The following SAPCD2 variants were observed in gnomAD, a reference collection of about 807,000 sequenced individuals.
SAPCD2 encodes suppressor APC domain-containing protein 2.
Under a neutral mutation model 37.8 loss-of-function variants are expected in SAPCD2, and 34 were observed. That is an observed-to-expected ratio of 0.90 (90% CI 0.68 to 1.20). The LOEUF (loss-of-function observed/expected upper bound fraction) is 1.20. Among genes scored for constraint, SAPCD2 ranks in the 50% most tolerant of loss-of-function variants. The pLI is 0.00. For synonymous variants in SAPCD2, 275 were observed against 270.3 expected (o/e 1.02, Z -0.17); for missense variants, 572 against 584.7 (o/e 0.98, Z 0.22).
In SAPCD2 at chr9:137,070,131, G is replaced by A; in HGVS notation, c.330C>T (p.Ala110=). Residue 110 remains alanine, a synonymous_variant, in exon 1 of 6, where the codon GCC becomes GCT. Coordinates refer to ENST00000409687, the MANE Select transcript of SAPCD2 (RefSeq NM_178448.4). The stretch of plus-strand genomic sequence containing the variant: ...GCGGCGGCGGCTGATCCCCGGGCCG[G>A]GCCGGGGCGCGCGTGGGGTCCCGGG... The part of the protein sequence containing the change: ...GGPRDPTRAP[A]RPGDQPPPPP... 1 of 1,197,392 alleles carries A rather than the reference G, an allele frequency of 8.4e-7. No individual in the cohort carries two copies. The highest frequency in any genetic ancestry group is 1.0e-6 in the Non-Finnish European group (1 of 967,178). The allele number at this position is 1,197,392 out of a possible 1,614,324, so 74.2% of individuals were successfully genotyped here.
chr9:137,070,134 C>T lies in SAPCD2; in HGVS notation c.327G>A (p.Pro109=), dbSNP rs1254911351. The change falls in exon 1 of 6, where the codon CCG becomes CCA. Residue 109 remains proline, a synonymous_variant. Coordinates refer to ENST00000409687, the MANE Select transcript of SAPCD2 (RefSeq NM_178448.4). ...DGGPRDPTRA[P]ARPGDQPPPP... is the part of the protein sequence containing the mutation. ...GCGGCGGCTGATCCCCGGGCCGGGC[C>T]GGGGCGCGCGTGGGGTCCCGGGGGC... 5 of 1,197,726 alleles carry T rather than the reference C, an allele frequency of 4.2e-6. No homozygotes were observed. Among genetic ancestry groups the T allele is most frequent in the Non-Finnish European group, 5.2e-6 (5 of 967,596 alleles). 74.2% of individuals were successfully genotyped at this position (1,197,726 alleles called of 1,614,324 possible).
chr9:137,067,565 G>A (rs1832564684), intron 1 of SAPCD2, among the ~76,000 whole-genome samples: 1 of 150,864 alleles, frequency 6.6e-6, no homozygotes, highest in African/African-American at 2.4e-5. Flanking sequence ...GTTGAGGTCA[G>A]GAGTTCAAGA....
chr9:137,064,762 A>G lies in SAPCD2; in HGVS notation c.1082T>C (p.Ile361Thr). 1 of 1,594,636 alleles carries G rather than the reference A, an allele frequency of 6.3e-7. No individual in the cohort carries two copies. The highest frequency in any genetic ancestry group is 8.5e-7 in the Non-Finnish European group (1 of 1,171,346). Residue 361 changes from isoleucine to threonine, a missense_variant, in exon 6 of 6, where the codon ATC becomes ACC. Physicochemically the swap from Ile to Thr is moderately conservative, Grantham distance 89. Coordinates refer to ENST00000409687, the MANE Select transcript of SAPCD2 (RefSeq NM_178448.4). Reference protein sequence around the residue: ...TQEVTEKSERITQLEQEKSAL... With the variant: ...TQEVTEKSERTTQLEQEKSAL... ...CGACTTCTCCTGCTCCAGCTGCGTG[A>G]TGCGCTCACTCTTCTCGGTCACCTC...
At chr9:137,067,360 ACT>A (rs1450524281) in intron 1 of SAPCD2, among the ~76,000 whole-genome samples, 3 of 151,794 alleles carry the variant, frequency 2.0e-5, no homozygotes, top group African/African-American at 7.2e-5. Context: ...GGTCCCGGCT[ACT>A]CAGGAGCCTG....
Position 137,064,788 on chromosome 9 carries a change from C to T in SAPCD2, c.1057-1G>A. 6.3e-7 allele frequency: 1 copy of T among 1,593,800 alleles called. No homozygotes were observed. The highest frequency in any genetic ancestry group is 1.1e-5 in the South Asian group (1 of 88,246). ...TGCGCTCACTCTTCTCGGTCACCTC[C>T]TGGGCAGGTGCACAGTTGGTCAAGG... On this transcript the variant is annotated splice_acceptor_variant, in intron 5 of 5. Transcript: ENST00000409687. LOFTEE classifies it high-confidence loss of function.
chr9:137,066,349 C>T lies in SAPCD2; in HGVS notation c.597G>A (p.Glu199=), dbSNP rs1832546344. The change falls in exon 2 of 6, where the codon GAG becomes GAA. Residue 199 remains glutamate (E), a synonymous_variant. Transcript: ENST00000409687. ...DAGAVACRAL[E]ADSGDARRAP... is the part of the protein sequence containing the mutation. ...CCCGCCGGGCATCCCCTGAGTCCGCCTCCAGGGCCCTGCACGCCACTGCAC... is the reference window on the plus strand; with the variant it reads ...CCCGCCGGGCATCCCCTGAGTCCGCTTCCAGGGCCCTGCACGCCACTGCAC... The T allele has an allele frequency of 1.2e-6, 2 of 1,608,068 alleles. No homozygotes were observed. Among genetic ancestry groups the T allele is most frequent in the Non-Finnish European group, 1.7e-6 (2 of 1,178,058 alleles).
rs555540170 is a variant in SAPCD2, at chr9:137,062,627, A to T, written c.*2032T>A. 5.9e-5 allele frequency: 9 copies of T among 152,298 alleles called. No homozygotes were observed. The highest frequency in any genetic ancestry group is 1.9e-4 in the African/African-American group (8 of 41,548). The allele number at this position is 152,298 out of a possible 1,614,324, so 9.4% of individuals were successfully genotyped here. A position where few individuals can be genotyped will look rare whatever the true frequency, so the allele number is the denominator to read the frequency against. On this transcript the variant is annotated 3_prime_UTR_variant, in exon 6 of 6. Transcript: ENST00000409687. ...GGCACCTCGCGGATAGAGCCCAGGGACGCTGCTCACATCCTGCACGGAGAC... is the reference window on the plus strand; with the variant it reads ...GGCACCTCGCGGATAGAGCCCAGGGTCGCTGCTCACATCCTGCACGGAGAC...
chr9:137,070,214 TC>T lies in SAPCD2; in HGVS notation c.246del (p.Thr83ProfsTer14). 1 of 1,384,994 alleles carries T rather than the reference TC, an allele frequency of 7.2e-7. No homozygotes were observed. Among genetic ancestry groups the T allele is most frequent in the Non-Finnish European group, 9.4e-7 (1 of 1,062,792 alleles). 85.8% of individuals were successfully genotyped at this position (1,384,994 alleles called of 1,614,324 possible). A position where few individuals can be genotyped will look rare whatever the true frequency, so the allele number is the denominator to read the frequency against. On this transcript the variant is annotated frameshift_variant, in exon 1 of 6. Coordinates refer to ENST00000409687, the MANE Select transcript of SAPCD2 (RefSeq NM_178448.4). LOFTEE classifies it high-confidence loss of function. ...LRQVAPASGY[L>X]TFERFVAGLR... ...AGGCCGGCCACGAAGCGCTCGAAGGTCAGGTAGCCGCTGGCCGGGGCCACCT... is the reference window on the plus strand; with the variant it reads ...AGGCCGGCCACGAAGCGCTCGAAGGTAGGTAGCCGCTGGCCGGGGCCACCT...
rs1161127962 is a variant in SAPCD2 at position 137,065,399 on chromosome 9, C to T, written c.831+123G>A. 4.0e-6 allele frequency: 5 copies of T among 1,262,910 alleles called. No individual in the cohort carries two copies. In the African/African-American group the frequency reaches 4.5e-5, roughly 11 times the overall value. The allele number at this position is 1,262,910 out of a possible 1,614,324, so 78.2% of individuals were successfully genotyped here. A position where few individuals can be genotyped will look rare whatever the true frequency, so the allele number is the denominator to read the frequency against. On this transcript the variant is annotated intron_variant, in intron 3 of 5. Transcript: ENST00000409687. ...ACAGGCGGAGAAAGGGATGTCTCAGCATCCTGGGTGGAATCGACAGCCACT... is the reference window on the plus strand; with the variant it reads ...ACAGGCGGAGAAAGGGATGTCTCAGTATCCTGGGTGGAATCGACAGCCACT...
In SAPCD2 at chr9:137,062,953, C is replaced by A. The variant is rs1012536371; in HGVS notation, c.*1706G>T. 6.6e-6 allele frequency: 1 copy of A among 152,260 alleles called. No individual in the cohort carries two copies. Among genetic ancestry groups the A allele is most frequent in the African/African-American group, 2.4e-5 (1 of 41,460 alleles). 9.4% of individuals were successfully genotyped at this position (152,260 alleles called of 1,614,324 possible). ...AAGTCACCCCGGGACAGACACTGTT[C>A]TGTCTCCTGCTTCCAGTCCAGTAAA... On this transcript the variant is annotated 3_prime_UTR_variant, in exon 6 of 6. Transcript: ENST00000409687.
At chr9:137,068,374 T>G (rs1832578604) in intron 1 of SAPCD2, among the ~76,000 whole-genome samples, 2 of 152,210 alleles carry the variant, frequency 1.3e-5, no homozygotes. Context: ...ATGAGCTAGA[T>G]GGCCTCTAGG....
Position 137,064,862 on chromosome 9 carries a change from C to A in SAPCD2, c.1056+1G>T. ...CTGCACCCCTCCCGCGCCTGCCCTA[C>A]CTGGGTGAGGAGTCGGTTCTGCTCC... On this transcript the variant is annotated splice_donor_variant, in intron 5 of 5. Coordinates refer to ENST00000409687, the MANE Select transcript of SAPCD2 (RefSeq NM_178448.4). LOFTEE classifies it high-confidence loss of function. The A allele has an allele frequency of 6.4e-7, 1 of 1,566,772 alleles. No individual in the cohort carries two copies. Among genetic ancestry groups the A allele is most frequent in the Non-Finnish European group, 8.7e-7 (1 of 1,156,040 alleles).
chr9:137,066,117 T>G, intron 2 of SAPCD2, 145 bp downstream of exon 2: 3 of 711,774 alleles, frequency 4.2e-6, no homozygotes, highest in Non-Finnish European at 7.1e-6. Context: ...TCCAGGGGAG[T>G]CAAGCCCAGG....
rs1039539986 is a variant in SAPCD2, at chr9:137,062,505, G to A, written c.*2154C>T. On this transcript the variant is annotated 3_prime_UTR_variant, in exon 6 of 6. Transcript: ENST00000409687. ...TCCTCTGGGGCAGATTCTCAACTGGGGACACTTCTGCCCCCAAGGACACAT... is the reference window on the plus strand; with the variant it reads ...TCCTCTGGGGCAGATTCTCAACTGGAGACACTTCTGCCCCCAAGGACACAT... The A allele has an allele frequency of 4.6e-5, 7 of 152,090 alleles. No homozygotes were observed. Among genetic ancestry groups the A allele is most frequent in the Non-Finnish European group, 1.0e-4 (7 of 68,028 alleles). 9.4% of individuals were successfully genotyped at this position (152,090 alleles called of 1,614,324 possible).
In SAPCD2 at chr9:137,065,546, G is replaced by A. The variant is rs1339913414; in HGVS notation, c.807C>T (p.Arg269=). ...CGGCGCTGGCTCTGCTCTGGCCCAG[G>A]CGGCGCTGGCGCTCCTGCACTCGTT... ...QLQRVQERQR[R]LGQSRASADF... Residue 269 remains arginine (R), a synonymous_variant, in exon 3 of 6, where the codon CGC becomes CGT. Coordinates refer to ENST00000409687, the MANE Select transcript of SAPCD2 (RefSeq NM_178448.4). 5 of 1,605,954 alleles carry A rather than the reference G, an allele frequency of 3.1e-6. No individual in the cohort carries two copies. Among genetic ancestry groups the A allele is most frequent in the African/African-American group, 2.7e-5 (2 of 74,752 alleles).
chr9:137,067,532 G>A (rs1441632725), intron 1 of SAPCD2, among the ~76,000 whole-genome samples: 1 of 150,734 alleles, frequency 6.6e-6, no homozygotes, highest in East Asian at 2.0e-4. Flanking sequence ...AGCACTTTGG[G>A]AAGCTGGGGC....
chr9:137,068,456 G>A (rs1832580420), intron 1 of SAPCD2, among the ~76,000 whole-genome samples: 1 of 152,236 alleles, frequency 6.6e-6, no homozygotes, highest in African/African-American at 2.4e-5. Context: ...AGCCAGCCTG[G>A]AGCAAACACG....
chr9:137,065,041 G>T, intron 4 of SAPCD2, 37 bp downstream of exon 4: 3 of 1,492,228 alleles, frequency 2.0e-6, no homozygotes, highest in Non-Finnish European at 1.8e-6. Flanking sequence ...ACTGGCCTGG[G>T]CCCCAGCGTG....
At chr9:137,065,466 G>A (rs2131528442) in intron 3 of SAPCD2, 56 bp downstream of exon 3, 1 of 1,528,224 alleles carries the variant, frequency 6.5e-7, no homozygotes, top group East Asian at 2.3e-5. Flanking sequence ...AAGGGTGCCT[G>A]GGGTGAGCTG....
Sources: allele counts gnomAD v4.1 joint callset (sites outside exome capture counted in the v4.1 genomes callset), GRCh38; gene constraint gnomAD v4.1.1; transcripts MANE v1.5; gene names NCBI Gene and HGNC (gene_info 2026-07-23, HGNC 2026-07-21).